The following MAPK13 variants were observed in gnomAD, a reference collection of about 807,000 sequenced individuals.
MAPK13 encodes mitogen-activated protein kinase 13.
MAPK13 carries 39 observed loss-of-function variants against 53.5 expected under a neutral mutation model. The ratio of observed to expected loss-of-function variants is 0.73; its 90% CI spans 0.56 to 0.95. MAPK13 has a LOEUF of 0.95. Among genes scored for constraint, MAPK13 ranks in the 40% least tolerant of loss-of-function variants. The probability of loss-of-function intolerance (pLI) is 0.00; values close to 1 mark genes in which losing one functional copy is unlikely to be tolerated. For missense variants in MAPK13, 460 were observed against 471.8 expected (o/e 0.98, Z 0.23); for synonymous variants, 179 against 190.9 (o/e 0.94, Z 0.51).
Position 36,130,531 on chromosome 6 carries a change from T to G in MAPK13, c.-52T>G. ...GGGGGTCGGGGCGCTGGGAGCCCGT[T>G]GGGCCGCGAACGCAGCCGCCACGCT... On this transcript the variant is annotated 5_prime_UTR_variant, in exon 1 of 12. Coordinates refer to ENST00000211287, the MANE Select transcript of MAPK13 (RefSeq NM_002754.5). The surrounding 1 kb of genome is among the most constrained non-coding windows in gnomAD (Gnocchi z 4.5). 1.1e-6 allele frequency: 1 copy of G among 937,202 alleles called. No individual in the cohort carries two copies. The highest frequency in any genetic ancestry group is 1.6e-6 in the Non-Finnish European group (1 of 631,844). The allele number at this position is 937,202 out of a possible 1,614,324, so 58.1% of individuals were successfully genotyped here.
chr6:36,136,086 G>A, intron 5 of MAPK13, 38 bp downstream of exon 5: 1 of 1,612,828 alleles, frequency 6.2e-7, no homozygotes, highest in East Asian at 2.2e-5. Context: ...AGAGGCCCCT[G>A]TCCCATCCCT....
Position 36,132,668 on chromosome 6 carries a change from C to A in MAPK13, c.297C>A (p.Asn99Lys). 6.2e-7 allele frequency: 1 copy of A among 1,614,240 alleles called. No individual in the cohort carries two copies. ...TCACCCCAGCCTCCTCCCTGCGCAA[C>A]TTCTATGACTTGTGAGTTGGGCTGC... Reference protein sequence around the residue: ...DVFTPASSLRNFYDFYLVMPF... With the variant: ...DVFTPASSLRKFYDFYLVMPF... The change falls in exon 3 of 12, where the codon AAC becomes AAA. Residue 99 changes from asparagine to lysine, a missense_variant. Transcript: ENST00000211287.
rs1296318549 is a variant in MAPK13, at chr6:36,139,475, G to A, written c.*102G>A. ...TTGGAATACAGCCTTTCAAGCAGAG[G>A]ACAGAAGGGTCCTTCTCCTTATGTG... is the stretch of plus-strand genomic sequence containing the variant. On this transcript the variant is annotated 3_prime_UTR_variant, in exon 12 of 12. Coordinates refer to ENST00000211287, the MANE Select transcript of MAPK13 (RefSeq NM_002754.5). 2.2e-6 allele frequency: 2 copies of A among 916,492 alleles called. No homozygotes were observed. Among genetic ancestry groups the A allele is most frequent in the Non-Finnish European group, 1.8e-6 (1 of 565,826 alleles). The allele number at this position is 916,492 out of a possible 1,614,324, so 56.8% of individuals were successfully genotyped here. A position where few individuals can be genotyped will look rare whatever the true frequency, so the allele number is the denominator to read the frequency against.
Position 36,138,731 on chromosome 6 carries a change from G to A in MAPK13, c.792G>A (p.Gln264=), listed in dbSNP as rs760023880. The change falls in exon 10 of 12, where the codon CAG becomes CAA. Residue 264 remains glutamine (Q), a synonymous_variant. Coordinates refer to ENST00000211287, the MANE Select transcript of MAPK13 (RefSeq NM_002754.5). ...AAKSYIQSLP[Q]TPRKDFTQLF... is the part of the protein sequence containing the mutation. ...AATCCTACATCCAGTCCCTGCCACA[G>A]ACCCCCAGGAAGGATTTCACTCAGC... 1.4e-5 allele frequency: 23 copies of A among 1,614,068 alleles called. No individual in the cohort carries two copies. Among genetic ancestry groups the A allele is most frequent in the Admixed American group, 6.7e-5 (4 of 60,010 alleles).
At chr6:36,135,730 C>T (rs370555905) in intron 3 of MAPK13, 23 bp from the exon 4 acceptor site, 1 of 1,580,154 alleles carries the variant, frequency 6.3e-7, no homozygotes. Context: ...GGCACTGTTC[C>T]AAGAACCCCT....
At position 36,130,736 on chromosome 6, in the gene MAPK13, G is replaced by GGGGGCGT. The variant is rs771044663; in HGVS notation, c.119+36_119+37insGGGCGTG. 3 of 942,922 alleles carry GGGGGCGT rather than the reference G, an allele frequency of 3.2e-6. No homozygotes were observed. Among genetic ancestry groups the GGGGGCGT allele is most frequent in the South Asian group, 1.4e-5 (1 of 69,510 alleles). The allele number at this position is 942,922 out of a possible 1,614,324, so 58.4% of individuals were successfully genotyped here. A position where few individuals can be genotyped will look rare whatever the true frequency, so the allele number is the denominator to read the frequency against. Reference sequence around the variant, plus strand: ...CTGGGCCGCTGGGGGGCGGGGGGCGGGCGCCAGGCTCTCCCCTTTCCGCCC... The same window carrying GGGGGCGT: ...CTGGGCCGCTGGGGGGCGGGGGGCGGGGGGCGTGCGCCAGGCTCTCCCCTTTCCGCCC... On this transcript the variant is annotated intron_variant, in intron 1 of 11. Coordinates refer to ENST00000211287, the MANE Select transcript of MAPK13 (RefSeq NM_002754.5). The surrounding 1 kb of genome is among the most constrained non-coding windows in gnomAD (Gnocchi z 4.5).
chr6:36,134,557 TTTTTG>T (rs1387633791), intron 3 of MAPK13, among the ~76,000 whole-genome samples: 7 of 152,100 alleles, frequency 4.6e-5, no homozygotes, highest in East Asian at 1.9e-4. Flanking sequence ...CATGTCCAGC[TTTTTG>T]TTTTGTTTTA....
At chr6:36,137,316 C>G (rs1224163242) in intron 8 of MAPK13, among the ~76,000 whole-genome samples, 1 of 151,894 alleles carries the variant, frequency 6.6e-6, no homozygotes, top group East Asian at 1.9e-4. Context: ...GAGATCGAGA[C>G]CATCCTGGCT....
At chr6:36,138,574 A>T in intron 9 of MAPK13, 128 bp from the exon 10 acceptor site, 1 of 1,259,168 alleles carries the variant, frequency 7.9e-7, no homozygotes, top group Non-Finnish European at 1.1e-6. Context: ...CCTGGCAGGC[A>T]CTCTTGTCTT....
Position 36,136,640 on chromosome 6 carries a change from A to C in MAPK13, c.496-16A>C. On this transcript the variant is annotated splice_polypyrimidine_tract_variant and intron_variant, in intron 6 of 11. Coordinates refer to ENST00000211287, the MANE Select transcript of MAPK13 (RefSeq NM_002754.5). The stretch of plus-strand genomic sequence containing the variant: ...CCCTCAGCAAGTTCCTTTTCTATTT[A>C]TCCCCTGTGCCATAGATTCTGGATT... 6.2e-7 allele frequency: 1 copy of C among 1,612,820 alleles called. No homozygotes were observed. Among genetic ancestry groups the C allele is most frequent in the Non-Finnish European group, 8.5e-7 (1 of 1,179,340 alleles).
chr6:36,139,055 C>G lies in MAPK13; in HGVS notation c.1018C>G (p.Gln340Glu). ...GAAACTCACAGTGGATGAATGGAAG[C>G]GTAAGAGCTGGGGCCTCGGGCTTCC... ...HEKLTVDEWK[Q>E]HIYKEIVNFS... Residue 340 changes from glutamine to glutamate, a missense_variant and splice_region_variant, in exon 11 of 12, where the codon CAG becomes GAG. Coordinates refer to ENST00000211287, the MANE Select transcript of MAPK13 (RefSeq NM_002754.5). 6.3e-7 allele frequency: 1 copy of G among 1,588,956 alleles called. No homozygotes were observed.
rs376906208 is a variant in MAPK13 at position 36,136,546 on chromosome 6, G to A, written c.495+15G>A. On this transcript the variant is annotated intron_variant, in intron 6 of 11. Transcript: ENST00000211287. Reference sequence around the variant, plus strand: ...GTGAACTGAAGGTGAGTGGGCTGCAGGCTCAGCCCAGAGGCGGGATAGGCC... The same window carrying A: ...GTGAACTGAAGGTGAGTGGGCTGCAAGCTCAGCCCAGAGGCGGGATAGGCC... The A allele has an allele frequency of 2.5e-6, 4 of 1,601,014 alleles. No homozygotes were observed. Among genetic ancestry groups the A allele is most frequent in the Non-Finnish European group, 3.4e-6 (4 of 1,173,642 alleles).
At chr6:36,136,611 C>T (rs780819462) in intron 6 of MAPK13, 45 bp from the exon 7 acceptor site, 25 of 1,610,516 alleles carry the variant, frequency 1.6e-5, no homozygotes, top group Non-Finnish European at 2.0e-5. Context: ...CCCAGAGCCT[C>T]CTCCCCTCAG....
In MAPK13 at chr6:36,142,363, T is replaced by G. The variant is rs770389870; in HGVS notation, c.*2990T>G. On this transcript the variant is annotated 3_prime_UTR_variant, in exon 12 of 12. Coordinates refer to ENST00000211287, the MANE Select transcript of MAPK13 (RefSeq NM_002754.5). The surrounding 1 kb of genome is among the most constrained non-coding windows in gnomAD (Gnocchi z 4.4). ...GCCTCTCCCCAAGTAGGCTTGGCCTTCTTTTAGTGCCCGTGCGTGGAAGGC... is the reference window on the plus strand; with the variant it reads ...GCCTCTCCCCAAGTAGGCTTGGCCTGCTTTTAGTGCCCGTGCGTGGAAGGC... The G allele has an allele frequency of 2.0e-5, 3 of 152,408 alleles. No homozygotes were observed. The highest frequency in any genetic ancestry group is 2.9e-5 in the Non-Finnish European group (2 of 68,180). 9.4% of individuals were successfully genotyped at this position (152,408 alleles called of 1,614,324 possible).
intron 11 of MAPK13, 97 bp downstream of exon 11, chr6:36,139,152 C>T (rs537567871): frequency 6.3e-6 from 9 of 1,424,338 alleles, no homozygotes; most frequent in African/African-American, 1.4e-5. Flanking sequence ...CCCTACCTGC[C>T]ACCTCCTTCT....
intron 1 of MAPK13, 135 bp from the exon 2 acceptor site, chr6:36,131,136 C>T: frequency 9.5e-7 from 1 of 1,052,050 alleles, no homozygotes; most frequent in Non-Finnish European, 1.3e-6. Flanking sequence ...GCCCTGCGTC[C>T]CGCGGCTCCC....
rs1766491024 is a variant in MAPK13, at chr6:36,139,481, A to C, written c.*108A>C. 4.6e-6 allele frequency: 4 copies of C among 870,240 alleles called. No homozygotes were observed. The highest frequency in any genetic ancestry group is 7.6e-6 in the Non-Finnish European group (4 of 529,104). The allele number at this position is 870,240 out of a possible 1,614,324, so 53.9% of individuals were successfully genotyped here. A position where few individuals can be genotyped will look rare whatever the true frequency, so the allele number is the denominator to read the frequency against. The stretch of plus-strand genomic sequence containing the variant: ...TACAGCCTTTCAAGCAGAGGACAGA[A>C]GGGTCCTTCTCCTTATGTGGGAAAT... On this transcript the variant is annotated 3_prime_UTR_variant, in exon 12 of 12. Transcript: ENST00000211287.
rs1000940018 is a variant in MAPK13 at position 36,139,615 on chromosome 6, T to C, written c.*242T>C. On this transcript the variant is annotated 3_prime_UTR_variant, in exon 12 of 12. Coordinates refer to ENST00000211287, the MANE Select transcript of MAPK13 (RefSeq NM_002754.5). ...GGAGAATCGCCTGCAGGTGGGGCCC[T>C]TTCCTTCCCGCCAGAGTGGGGCTGA... 2.3e-5 allele frequency: 12 copies of C among 512,528 alleles called. No homozygotes were observed. Among genetic ancestry groups the C allele is most frequent in the Admixed American group, 6.9e-5 (2 of 29,134 alleles). 31.7% of individuals were successfully genotyped at this position (512,528 alleles called of 1,614,324 possible).
intron 5 of MAPK13, 63 bp downstream of exon 5, chr6:36,136,111 C>T (rs562983480): frequency 8.2e-6 from 13 of 1,593,732 alleles, no homozygotes; most frequent in Admixed American, 3.3e-5. Context: ...ATGGGGTTCT[C>T]TGGCAATCAA....
Sources: allele counts gnomAD v4.1 joint callset (sites outside exome capture counted in the v4.1 genomes callset), GRCh38; gene constraint gnomAD v4.1.1; non-coding constraint Gnocchi (gnomAD v3.1); transcripts MANE v1.5; gene names NCBI Gene and HGNC (gene_info 2026-07-23, HGNC 2026-07-21).